Variants in MACROD2 observed in about 807,000 individuals in gnomAD.
MACROD2 encodes mono-ADP ribosylhydrolase 2, also known as ADP-ribose glycohydrolase MACROD2.
MACROD2 carries 36 observed loss-of-function variants against 70.4 expected under a neutral mutation model. The ratio of observed to expected loss-of-function variants is 0.51; its 90% CI spans 0.39 to 0.68. The LOEUF (loss-of-function observed/expected upper bound fraction) is 0.68, where lower values mean the gene tolerates loss of function less well. Among genes scored for constraint, MACROD2 ranks in the 30% least tolerant of loss-of-function variants. The probability of loss-of-function intolerance (pLI) is 0.00; values close to 1 mark genes in which losing one functional copy is unlikely to be tolerated. For synonymous variants in MACROD2, 172 were observed against 178.8 expected, an observed-to-expected ratio of 0.96 and a Z score of 0.30; for missense variants, 496 against 538.4, an observed-to-expected ratio of 0.92 and a Z score of 0.78.
intron 4 of MACROD2, among the ~76,000 whole-genome samples, chr20:14,606,912 T>A (rs111702300): frequency 2.6e-4 from 40 of 152,238 alleles, no homozygotes; most frequent in African/African-American, 8.2e-4. Context: ...AGTAACACAT[T>A]TGCATGTGGG....
chr20:15,795,540 C>G (rs6131709), intron 8 of MACROD2, among the ~76,000 whole-genome samples: 1 of 151,714 alleles, frequency 6.6e-6, no homozygotes, highest in African/African-American at 2.4e-5. Flanking sequence ...GAATGCCAGC[C>G]GGGAATCATT....
chr20:14,002,867 T>C (rs370978627), intron 2 of MACROD2, among the ~76,000 whole-genome samples: 5 of 152,224 alleles, frequency 3.3e-5, no homozygotes, highest in African/African-American at 1.2e-4. Context: ...TTTTGTATGA[T>C]GTGTTATTAT....
At chr20:15,397,456 G>A (rs540701989) in intron 6 of MACROD2, among the ~76,000 whole-genome samples, 12 of 150,100 alleles carry the variant, frequency 8.0e-5, no homozygotes, top group African/African-American at 2.8e-4. Flanking sequence ...CACCACACCT[G>A]GCTAATGTTT....
chr20:14,305,273 C>T (rs78360583), intron 3 of MACROD2, among the ~76,000 whole-genome samples: 2,293 of 152,220 alleles, frequency 0.015, 24 homozygotes, highest in African/African-American at 0.027. Flanking sequence ...TATTTTTCTT[C>T]ACAGAATGTA....
intron 5 of MACROD2, among the ~76,000 whole-genome samples, chr20:14,857,724 A>G (rs1233371736): frequency 6.6e-6 from 1 of 152,228 alleles, no homozygotes; most frequent in Non-Finnish European, 1.5e-5. Flanking sequence ...GAATTCTCAC[A>G]TTAAGTTCAA....
chr20:15,696,215 C>G lies in MACROD2; in HGVS notation c.646-166530C>G, dbSNP rs147653877. ...GGCTTTTATTACATGAAGGTATGTC[C>G]CTTGTATGCCAATTTTGCTGAGAGT... On this transcript the variant is annotated intron_variant, in intron 8 of 17. Coordinates refer to ENST00000684519, the MANE Select transcript of MACROD2 (RefSeq NM_001351661.2). Among the ~76,000 whole-genome samples, 1,167 of 152,170 alleles carry G rather than the reference C, an allele frequency of 7.7e-3. 9 individuals carry two copies. Among genetic ancestry groups the G allele is most frequent in the African/African-American group, 0.027 (1,121 of 41,522 alleles).
chr20:14,927,020 G>T (rs1396192644), intron 5 of MACROD2, among the ~76,000 whole-genome samples: 1 of 152,054 alleles, frequency 6.6e-6, no homozygotes, highest in Non-Finnish European at 1.5e-5. Flanking sequence ...CATTATTGTG[G>T]GAGAAAAACT....
At chr20:15,048,157 A>T (rs34347128) in intron 5 of MACROD2, among the ~76,000 whole-genome samples, 27,833 of 151,798 alleles carry the variant, frequency 0.18, 2,711 homozygotes, top group African/African-American at 0.21. Flanking sequence ...GTGCCTGTAG[A>T]CCCAGCTGCT....
intron 3 of MACROD2, among the ~76,000 whole-genome samples, chr20:14,310,287 T>A (rs2082555107): frequency 6.6e-6 from 1 of 152,158 alleles, no homozygotes; most frequent in Admixed American, 6.6e-5. Context: ...GACCTCTTGA[T>A]TAACAGGACC....
intron 12 of MACROD2, among the ~76,000 whole-genome samples, chr20:15,948,127 C>G (rs545777462): frequency 1.3e-5 from 2 of 152,140 alleles, no homozygotes; most frequent in East Asian, 3.9e-4. Context: ...ATCCCTAAGC[C>G]TAGCTGGGAA....
intron 5 of MACROD2, among the ~76,000 whole-genome samples, chr20:15,050,846 T>G (rs1414900897): frequency 6.6e-6 from 1 of 152,092 alleles, no homozygotes; most frequent in Middle Eastern, 3.2e-3. Flanking sequence ...GCATAATTAT[T>G]TATACATATA....
intron 8 of MACROD2, among the ~76,000 whole-genome samples, chr20:15,743,258 T>C (rs1354998417): frequency 2.0e-5 from 3 of 152,152 alleles, no homozygotes; most frequent in Non-Finnish European, 4.4e-5. Flanking sequence ...ACATCAGCCT[T>C]ACCCATGTGT....
At chr20:14,495,971 A>C (rs909758334) in intron 4 of MACROD2, among the ~76,000 whole-genome samples, 1 of 152,320 alleles carries the variant, frequency 6.6e-6, no homozygotes, top group Admixed American at 6.5e-5. Flanking sequence ...GCACTTCTGG[A>C]GATGTCAAGA....
At chr20:15,200,745 A>G (rs2076648808) in intron 5 of MACROD2, among the ~76,000 whole-genome samples, 1 of 152,244 alleles carries the variant, frequency 6.6e-6, no homozygotes, top group Non-Finnish European at 1.5e-5. Flanking sequence ...AGTTACAGAT[A>G]CAATCAGAGC....
intron 3 of MACROD2, among the ~76,000 whole-genome samples, chr20:14,431,808 A>G (rs916140956): frequency 6.6e-6 from 1 of 152,180 alleles, no homozygotes; most frequent in African/African-American, 2.4e-5. Flanking sequence ...GACAGAACCA[A>G]GAAAATAATT....
intron 5 of MACROD2, among the ~76,000 whole-genome samples, chr20:15,138,890 C>T (rs1048982764): frequency 1.3e-5 from 2 of 152,076 alleles, no homozygotes; most frequent in Non-Finnish European, 2.9e-5. Context: ...TTTGTTTATT[C>T]GCATTTACTT....
chr20:15,912,698 G>T (rs1295722306), intron 10 of MACROD2, among the ~76,000 whole-genome samples: 1 of 152,206 alleles, frequency 6.6e-6, no homozygotes, highest in Admixed American at 6.5e-5. Flanking sequence ...GGTGCCTTCA[G>T]TGGAGGTTAT....
chr20:15,024,105 G>C (rs2075211373), intron 5 of MACROD2, among the ~76,000 whole-genome samples: 1 of 152,098 alleles, frequency 6.6e-6, no homozygotes, highest in Non-Finnish European at 1.5e-5. Flanking sequence ...CTTTATTGCT[G>C]ATAAAATTTA....
intron 5 of MACROD2, among the ~76,000 whole-genome samples, chr20:14,854,098 T>C (rs1454530224): frequency 6.6e-6 from 1 of 152,050 alleles, no homozygotes; most frequent in Non-Finnish European, 1.5e-5. Context: ...CAGGACACTT[T>C]CTACCTCATC....
Sources: gnomAD v4.1 joint callset for allele counts (sites outside exome capture counted in the v4.1 genomes callset) on GRCh38, gnomAD v4.1.1 for gene constraint, MANE v1.5 for transcripts, NCBI Gene and HGNC (gene_info 2026-07-23, HGNC 2026-07-21) for gene names.